ROBO1: variants seen among roughly 807,000 people sequenced by gnomAD.
ROBO1 encodes the protein roundabout homolog 1.
A neutral mutation model predicts 195.9 loss-of-function variants in ROBO1; 149 were observed. That is an observed-to-expected ratio of 0.76 (90% CI 0.67 to 0.87). The LOEUF is 0.87. Among genes scored for constraint, ROBO1 ranks in the 40% least tolerant of loss-of-function variants. The pLI is 0.00. For synonymous variants in ROBO1, 816 were observed against 733.2 expected, an observed-to-expected ratio of 1.11 and a Z score of -1.82; for missense variants, 1,933 against 2,068.3, an observed-to-expected ratio of 0.93 and a Z score of 1.27.
At chr3:79,757,557 T>C (rs770738368) in intron 1 of ROBO1, among the ~76,000 whole-genome samples, 4 of 150,784 alleles carry the variant, frequency 2.7e-5, no homozygotes, top group Non-Finnish European at 5.9e-5. Flanking sequence ...TTCACACTTG[T>C]AATGCCCGAG....
chr3:78,992,957 C>T (rs932632646), intron 3 of ROBO1, among the ~76,000 whole-genome samples: 16 of 152,026 alleles, frequency 1.1e-4, no homozygotes, highest in Admixed American at 3.3e-4. Flanking sequence ...GTAGGAGATG[C>T]GAATACATAT....
At chr3:79,373,352 T>G (rs1489889446) in intron 2 of ROBO1, among the ~76,000 whole-genome samples, 1 of 152,184 alleles carries the variant, frequency 6.6e-6, no homozygotes, top group Non-Finnish European at 1.5e-5. Flanking sequence ...TTCCTTCACT[T>G]TGCCTTATTT....
chr3:79,040,287 C>G (rs893272555), intron 3 of ROBO1, among the ~76,000 whole-genome samples: 17 of 152,110 alleles, frequency 1.1e-4, no homozygotes, highest in African/African-American at 4.1e-4. Context: ...TCAAAATGTG[C>G]TTTGTCAGCT....
chr3:78,744,466 T>C (rs768914688), intron 5 of ROBO1, among the ~76,000 whole-genome samples: 8 of 152,182 alleles, frequency 5.3e-5, no homozygotes, highest in Non-Finnish European at 1.2e-4. Flanking sequence ...CCAAACTATC[T>C]ACAACACCTG....
chr3:79,109,718 A>G (rs1049024332), intron 3 of ROBO1, among the ~76,000 whole-genome samples: 3 of 152,126 alleles, frequency 2.0e-5, no homozygotes, highest in African/African-American at 7.2e-5. Flanking sequence ...TAGAATTAAA[A>G]TTGACTAGGA....
At chr3:78,697,631 C>CT (rs766739073) in intron 8 of ROBO1, among the ~76,000 whole-genome samples, 63 of 152,064 alleles carry the variant, frequency 4.1e-4, no homozygotes, top group Non-Finnish European at 7.8e-4. Context: ...CTCTAGAGGT[C>CT]TTTTAAAATA....
chr3:78,805,708 A>C (rs2084516213), intron 4 of ROBO1, among the ~76,000 whole-genome samples: 1 of 152,132 alleles, frequency 6.6e-6, no homozygotes, highest in Non-Finnish European at 1.5e-5. Flanking sequence ...TTTTAAACTC[A>C]CACTATTTTT....
chr3:78,965,647 GTTAT>G (rs981290342), intron 3 of ROBO1, among the ~76,000 whole-genome samples: 5 of 151,740 alleles, frequency 3.3e-5, no homozygotes, highest in African/African-American at 1.2e-4. Context: ...CATGTAATAT[GTTAT>G]TTAATCAGAA....
chr3:78,843,328 G>A (rs916641582), intron 4 of ROBO1, among the ~76,000 whole-genome samples: 7 of 151,942 alleles, frequency 4.6e-5, no homozygotes, highest in African/African-American at 1.5e-4. Flanking sequence ...ACTGAGACTC[G>A]CCTTTAATAA....
intron 2 of ROBO1, among the ~76,000 whole-genome samples, chr3:79,271,169 A>G (rs1307088882): frequency 1.3e-5 from 2 of 152,138 alleles, no homozygotes; most frequent in South Asian, 2.1e-4. Context: ...GTGTCATGCA[A>G]TCTTTACTTC....
At chr3:78,645,526 T>C (rs893687629) in intron 21 of ROBO1, among the ~76,000 whole-genome samples, 3 of 151,906 alleles carry the variant, frequency 2.0e-5, no homozygotes, top group Non-Finnish European at 4.4e-5. Context: ...TTTCAGCCCC[T>C]TTAAGCTGGT....
At chr3:78,788,062 C>G (rs1374338558) in intron 4 of ROBO1, among the ~76,000 whole-genome samples, 51 of 151,648 alleles carry the variant, frequency 3.4e-4, no homozygotes, top group Non-Finnish European at 6.0e-4. Flanking sequence ...GCCTCAGCCT[C>G]CCGAGTAGCT....
chr3:79,645,221 G>T (rs911925747), intron 1 of ROBO1, among the ~76,000 whole-genome samples: 3 of 152,072 alleles, frequency 2.0e-5, no homozygotes, highest in African/African-American at 7.2e-5. Flanking sequence ...CAGAGTAGAG[G>T]CTGGGCATAG....
At chr3:78,886,590 TC>T (rs1187687523) in intron 4 of ROBO1, among the ~76,000 whole-genome samples, 3 of 151,682 alleles carry the variant, frequency 2.0e-5, no homozygotes, top group African/African-American at 7.3e-5. Flanking sequence ...TGAGACTCCA[TC>T]TCAAAGAAAA....
chr3:79,442,665 G>A (rs868554016), intron 2 of ROBO1, among the ~76,000 whole-genome samples: 3 of 151,974 alleles, frequency 2.0e-5, no homozygotes, highest in South Asian at 2.1e-4. Context: ...AACCACAAAT[G>A]ACTGTTTAAG....
chr3:79,215,567 G>A (rs2082042211), intron 2 of ROBO1, among the ~76,000 whole-genome samples: 1 of 152,240 alleles, frequency 6.6e-6, no homozygotes, highest in East Asian at 1.9e-4. Flanking sequence ...ACATTCTCCA[G>A]GACATCAAGG....
chr3:79,663,992 G>A (rs1395709624), intron 1 of ROBO1, among the ~76,000 whole-genome samples: 6 of 152,048 alleles, frequency 3.9e-5, no homozygotes, highest in South Asian at 2.1e-4. Flanking sequence ...TGCTGTCAAC[G>A]AATAGCTGAA....
At chr3:79,243,178 G>A (rs1485612645) in intron 2 of ROBO1, among the ~76,000 whole-genome samples, 1 of 151,848 alleles carries the variant, frequency 6.6e-6, no homozygotes, top group Non-Finnish European at 1.5e-5. Context: ...ATTTTTTACG[G>A]CTGCATAGTA....
intron 3 of ROBO1, among the ~76,000 whole-genome samples, chr3:78,953,049 T>C (rs1054562538): frequency 1.8e-4 from 27 of 151,984 alleles, no homozygotes; most frequent in African/African-American, 6.0e-4. Flanking sequence ...TCCCCAGAGA[T>C]ATGAAAAAGA....
Sources: gnomAD v4.1 joint callset for allele counts (sites outside exome capture counted in the v4.1 genomes callset) on GRCh38, gnomAD v4.1.1 for gene constraint, MANE v1.5 for transcripts, NCBI Gene and HGNC (gene_info 2026-07-23, HGNC 2026-07-21) for gene names.